PHLDB2: variants seen among roughly 807,000 people sequenced by gnomAD.
PHLDB2 encodes pleckstrin homology-like domain family B member 2.
In PHLDB2, 71 loss-of-function variants were observed where a neutral mutation model predicts 123.6. That is an observed-to-expected ratio of 0.57 (90% CI 0.47 to 0.70). The LOEUF (loss-of-function observed/expected upper bound fraction) is 0.70, where lower values mean the gene tolerates loss of function less well. Among genes scored for constraint, PHLDB2 ranks in the 30% least tolerant of loss-of-function variants. The probability of loss-of-function intolerance (pLI) is 0.00; values close to 1 mark genes in which losing one functional copy is unlikely to be tolerated. For missense variants in PHLDB2, 1,446 were observed against 1,519.5 expected, an observed-to-expected ratio of 0.95 and a Z score of 0.80; for synonymous variants, 547 against 541.6, an observed-to-expected ratio of 1.01 and a Z score of -0.14.
At chr3:111,775,760 G>A (rs1368113323) in intron 1 of PHLDB2, among the ~76,000 whole-genome samples, 1 of 152,152 alleles carries the variant, frequency 6.6e-6, no homozygotes, top group Non-Finnish European at 1.5e-5. Flanking sequence ...TTCCCCTAGT[G>A]AATAAAGTAG....
chr3:111,778,680 C>T (rs1474928538), intron 1 of PHLDB2, among the ~76,000 whole-genome samples: 2 of 152,070 alleles, frequency 1.3e-5, no homozygotes, highest in Non-Finnish European at 2.9e-5. Flanking sequence ...ACTCTCATTA[C>T]AGAGTCCATA....
In PHLDB2 at chr3:111,931,462, A is replaced by G. The variant is rs111790136; in HGVS notation, c.2002-807A>G. ...GGTCTCATTGGCACGTGTGACTTGG[A>G]AGGGATTTAGTATTCTCTTCCTTCT... is the stretch of plus-strand genomic sequence containing the variant. On this transcript the variant is annotated intron_variant, in intron 5 of 17. Transcript: ENST00000431670. 4.4e-3 allele frequency among the ~76,000 whole-genome samples: 670 copies of G among 152,264 alleles called. 9 individuals are homozygous for G. The highest frequency in any genetic ancestry group is 0.016 in the African/African-American group (644 of 41,544).
In PHLDB2 at chr3:111,962,156, T is replaced by C; in HGVS notation, c.2921T>C (p.Phe974Ser). Residue 974 changes from phenylalanine (F) to serine (S), a missense_variant, in exon 13 of 18, where the codon TTT becomes TCT. Transcript: ENST00000431670. Reference sequence around the variant, plus strand: ...GAAGGACACAGGCAGAAATCTGAATTTTATAACCGCACAGCATCTGAATCA... The same window carrying C: ...GAAGGACACAGGCAGAAATCTGAATCTTATAACCGCACAGCATCTGAATCA... Reference protein sequence around the residue: ...MSEGHRQKSEFYNRTASESNV... With the variant: ...MSEGHRQKSESYNRTASESNV... 6.3e-7 allele frequency: 1 copy of C among 1,583,898 alleles called. No individual in the cohort carries two copies. Among genetic ancestry groups the C allele is most frequent in the Non-Finnish European group, 8.5e-7 (1 of 1,171,718 alleles).
Position 111,871,086 on chromosome 3 carries a change from C to T in PHLDB2, c.-15+11510C>T, listed in dbSNP as rs193031426. Reference sequence around the variant, plus strand: ...TCTGCATTTTCTCAACAATATGAAACGATTTACAGTTTTCTATCACTTGCT... The same window carrying T: ...TCTGCATTTTCTCAACAATATGAAATGATTTACAGTTTTCTATCACTTGCT... On this transcript the variant is annotated intron_variant, in intron 1 of 17. Transcript: ENST00000431670. Among the ~76,000 whole-genome samples, 121 of 152,170 alleles carry T rather than the reference C, an allele frequency of 8.0e-4. 2 individuals carry two copies. The highest frequency in any genetic ancestry group is 1.8e-3 in the African/African-American group (76 of 41,504).
intron 1 of PHLDB2, among the ~76,000 whole-genome samples, chr3:111,814,989 G>T (rs796552001): frequency 1.3e-5 from 2 of 152,114 alleles, no homozygotes; most frequent in Non-Finnish European, 2.9e-5. Context: ...TGTTTCCTGC[G>T]CTGTTCTTGT....
intron 2 of PHLDB2, among the ~76,000 whole-genome samples, chr3:111,899,782 G>GTTGT (rs1426287406): frequency 6.6e-6 from 1 of 152,102 alleles, no homozygotes; most frequent in Non-Finnish European, 1.5e-5. Context: ...TTTTGTCTAC[G>GTTGT]TTGTTTGTTT....
intron 16 of PHLDB2, among the ~76,000 whole-genome samples, chr3:111,973,316 C>T (rs2072334363): frequency 6.6e-6 from 1 of 151,986 alleles, no homozygotes; most frequent in Non-Finnish European, 1.5e-5. Flanking sequence ...AATAACAAGT[C>T]AAAAAACACT....
intron 1 of PHLDB2, among the ~76,000 whole-genome samples, chr3:111,763,429 G>GT (rs1312123215): frequency 2.0e-5 from 3 of 152,202 alleles, no homozygotes; most frequent in African/African-American, 7.2e-5. Flanking sequence ...TCGCTCATCT[G>GT]TAAGTGGGAC....
chr3:111,826,647 G>A (rs1201032868), intron 1 of PHLDB2, among the ~76,000 whole-genome samples: 2 of 152,178 alleles, frequency 1.3e-5, no homozygotes, highest in Non-Finnish European at 2.9e-5. Flanking sequence ...AAAACAAAGA[G>A]GAAATCCTTA....
rs546327397 is a variant in PHLDB2 at position 111,913,677 on chromosome 3, C to G, written c.1694C>G (p.Ser565Cys). 5.2e-5 allele frequency: 84 copies of G among 1,613,156 alleles called. No individual in the cohort carries two copies. The South Asian group carries it at 8.9e-4, about 17-fold the overall frequency. The change falls in exon 3 of 18, where the codon TCC becomes TGC. Residue 565 changes from serine to cysteine, a missense_variant. Coordinates refer to ENST00000431670, the MANE Select transcript of PHLDB2 (RefSeq NM_001134438.2). ...SSTFPKASSESSYLSILPKTP... is the reference protein window; with the variant it reads ...SSTFPKASSECSYLSILPKTP... Reference sequence around the variant, plus strand: ...ACCTTTCCGAAAGCTTCCAGCGAGTCCTCTTATCTAAGTATCCTACCAAAG... The same window carrying G: ...ACCTTTCCGAAAGCTTCCAGCGAGTGCTCTTATCTAAGTATCCTACCAAAG...
chr3:111,950,279 T>C (rs1218766515), intron 10 of PHLDB2, among the ~76,000 whole-genome samples: 1 of 152,220 alleles, frequency 6.6e-6, no homozygotes, highest in Non-Finnish European at 1.5e-5. Context: ...GAAACCATAA[T>C]AGACATCATT....
chr3:111,923,993 A>G (rs2068673438), intron 5 of PHLDB2, among the ~76,000 whole-genome samples: 2 of 152,134 alleles, frequency 1.3e-5, no homozygotes, highest in South Asian at 4.1e-4. Context: ...ATCTGTCACC[A>G]GCCTTTCTGT....
intron 1 of PHLDB2, among the ~76,000 whole-genome samples, chr3:111,838,716 A>G (rs2063533033): frequency 6.6e-6 from 1 of 152,192 alleles, no homozygotes. Flanking sequence ...AAACTTGCTT[A>G]GAATTAATAT....
chr3:111,932,555 A>G (rs561533608), intron 6 of PHLDB2, among the ~76,000 whole-genome samples, 158 bp downstream of exon 6: 51 of 152,200 alleles, frequency 3.4e-4, no homozygotes, highest in Non-Finnish European at 6.6e-4. Context: ...CTAACAGTAT[A>G]TATTATTCCA....
At position 111,966,714 on chromosome 3, in the gene PHLDB2, T is replaced by A; in HGVS notation, c.3168+11T>A. 1 of 1,609,388 alleles carries A rather than the reference T, an allele frequency of 6.2e-7. No individual in the cohort carries two copies. Among genetic ancestry groups the A allele is most frequent in the Non-Finnish European group, 8.5e-7 (1 of 1,177,166 alleles). On this transcript the variant is annotated intron_variant, in intron 14 of 17. Transcript: ENST00000431670. ...CTGCTCGAATCCAGGGTAAGCTTCA[T>A]ATTTTCATGCCGGAGGTCTGTGATA...
At chr3:111,829,474 T>G (rs1357528312) in intron 1 of PHLDB2, among the ~76,000 whole-genome samples, 83 of 149,064 alleles carry the variant, frequency 5.6e-4, no homozygotes, top group Admixed American at 3.1e-3. Flanking sequence ...TTTTGGTTTT[T>G]TTTTTTTTTT....
At chr3:111,754,530 T>G (rs1272092037) in intron 1 of PHLDB2, among the ~76,000 whole-genome samples, 1 of 94,798 alleles carries the variant, frequency 1.1e-5, no homozygotes, top group East Asian at 3.4e-4. Flanking sequence ...AAGTTGCTTA[T>G]CAGCTTAAGG....
chr3:111,780,328 GAAGAAGAAGAAGAAGAAGAAGAAGAAGAA>G (rs2060380561), intron 1 of PHLDB2, among the ~76,000 whole-genome samples: 5 of 11,568 alleles, frequency 4.3e-4, no homozygotes, highest in African/African-American at 6.1e-4. Flanking sequence ...AGAGGAAGAA[GAAGAAGAAGAAGAAGAAGAAGAAGAAGAA>G]GAAGAAGAAG....
chr3:111,931,145 G>A (rs759806989), intron 5 of PHLDB2, among the ~76,000 whole-genome samples: 1 of 152,090 alleles, frequency 6.6e-6, no homozygotes, highest in Non-Finnish European at 1.5e-5. Context: ...TTTTGTTCCT[G>A]CCAGTTTATA....
Sources: gnomAD v4.1 joint callset for allele counts (sites outside exome capture counted in the v4.1 genomes callset) on GRCh38, gnomAD v4.1.1 for gene constraint, MANE v1.5 for transcripts, NCBI Gene and HGNC (gene_info 2026-07-23, HGNC 2026-07-21) for gene names.